LCN15: variants seen among roughly 807,000 people sequenced by gnomAD.
LCN15 encodes lipocalin 15.
A neutral mutation model predicts 23.1 loss-of-function variants in LCN15; 26 were observed. The ratio of observed to expected loss-of-function variants is 1.13; its 90% CI spans 0.82 to 1.56. The LOEUF is 1.56. Among genes scored for constraint, LCN15 ranks in the 40% most tolerant of loss-of-function variants. LCN15 has a pLI of 0.00. For synonymous variants in LCN15, 107 were observed against 98.3 expected (o/e 1.09, Z -0.52); for missense variants, 241 against 239.5 (o/e 1.01, Z -0.04).
intron 6 of LCN15, among the ~76,000 whole-genome samples, chr9:136,760,770 C>G (rs919900385): frequency 1.3e-5 from 2 of 152,230 alleles, no homozygotes; most frequent in East Asian, 3.8e-4. Context: ...AAGGCAGGAC[C>G]CTGCCCTGGG....
chr9:136,759,903 T>C (rs920870244), intron 6 of LCN15, 120 bp from the exon 7 acceptor site: 1 of 152,334 alleles, frequency 6.6e-6, no homozygotes, highest in African/African-American at 2.4e-5. Context: ...GAGAGCTCAT[T>C]CTGCTCCCAA....
Position 136,762,190 on chromosome 9 carries a change from G to T in LCN15, c.518C>A (p.Ser173Ter), listed in dbSNP as rs971571128. 5 of 1,576,206 alleles carry T rather than the reference G, an allele frequency of 3.2e-6. No homozygotes were observed. The highest frequency in any genetic ancestry group is 4.3e-6 in the Non-Finnish European group (5 of 1,161,948). ...GTGGGCGGGGCTTGCCAGGGTACCT[G>T]ACTGGGGCAGCATGACCATCATGTC... ...PKDMMVMLPQ[S>*]DACNPESKEA... The change falls in exon 5 of 7, where the codon TCA (serine) becomes TAA (stop). Residue 173 changes from serine to a stop codon, truncating the protein, a stop_gained and splice_region_variant. Transcript: ENST00000316144. LOFTEE classifies it high-confidence loss of function.
At position 136,764,510 on chromosome 9, in the gene LCN15, C is replaced by G. The variant is rs1341040728; in HGVS notation, c.-22G>C. 1.3e-6 allele frequency: 2 copies of G among 1,599,738 alleles called. No individual in the cohort carries two copies. On this transcript the variant is annotated 5_prime_UTR_variant, in exon 1 of 7. Transcript: ENST00000316144. ...TCATCCCCTCCCCTGCCCTCCAGCC[C>G]CTGGTGCTGAGTCCCCAAGCCCCAG...
chr9:136,763,530 C>G, intron 3 of LCN15, 63 bp from the exon 4 acceptor site: 1 of 1,289,538 alleles, frequency 7.8e-7, no homozygotes, highest in East Asian at 2.3e-5. Flanking sequence ...ACCGACCCCA[C>G]CCATGCCTGC....
At chr9:136,763,521 C>T in intron 3 of LCN15, 54 bp from the exon 4 acceptor site, 1 of 1,348,588 alleles carries the variant, frequency 7.4e-7, no homozygotes, top group South Asian at 1.3e-5. Flanking sequence ...GGCCCGGGCA[C>T]CGACCCCACC....
Position 136,762,247 on chromosome 9 carries a change from T to C in LCN15, c.461A>G (p.Gln154Arg). 1 of 1,600,046 alleles carries C rather than the reference T, an allele frequency of 6.2e-7. No individual in the cohort carries two copies. The highest frequency in any genetic ancestry group is 8.5e-7 in the Non-Finnish European group (1 of 1,173,746). ...GAGCCCCAGGGTCGGGTAGAAGTCCTGGAAGGACTTCAGAGCCTGGGGACT... is the reference window on the plus strand; with the variant it reads ...GAGCCCCAGGGTCGGGTAGAAGTCCCGGAAGGACTTCAGAGCCTGGGGACT... ...DVSPQALKSF[Q>R]DFYPTLGLPK... The change falls in exon 5 of 7, where the codon CAG becomes CGG. Residue 154 changes from glutamine (Q) to arginine (R), a missense_variant. Transcript: ENST00000316144.
In LCN15 at chr9:136,761,957, TC is replaced by T; in HGVS notation, c.521-105del. ...CAAGGGCCACTGGACAGCTCCACCA[TC>T]CCCAGAGAGTGGAGCCCAGAGCTTC... On this transcript the variant is annotated intron_variant, in intron 5 of 6. Coordinates refer to ENST00000316144, the MANE Select transcript of LCN15 (RefSeq NM_203347.2). This position sits in a 1 kb window ranked among gnomAD's most constrained non-coding sequence, Gnocchi z 4.2. 1 of 970,950 alleles carries T rather than the reference TC, an allele frequency of 1.0e-6. No individual in the cohort carries two copies. Among genetic ancestry groups the T allele is most frequent in the South Asian group, 2.3e-5 (1 of 44,164 alleles). 60.1% of individuals were successfully genotyped at this position (970,950 alleles called of 1,614,324 possible). A position where few individuals can be genotyped will look rare whatever the true frequency, so the allele number is the denominator to read the frequency against.
chr9:136,762,921 T>TAAAA (rs1847335685), intron 4 of LCN15, among the ~76,000 whole-genome samples: 7 of 28,212 alleles, frequency 2.5e-4, no homozygotes, highest in African/African-American at 6.6e-4. Context: ...AGACTCCATA[T>TAAAA]TAAAAAAAAA....
rs1472697756 is a variant in LCN15, at chr9:136,763,789, G to C, written c.237-6C>G. ...CCTGGTTACAGCCGTCCGCCCTGGGGGTGCACAGCCGGCTCACTCATGGCA... is the reference window on the plus strand; with the variant it reads ...CCTGGTTACAGCCGTCCGCCCTGGGCGTGCACAGCCGGCTCACTCATGGCA... On this transcript the variant is annotated splice_region_variant and splice_polypyrimidine_tract_variant and intron_variant, in intron 2 of 6. Transcript: ENST00000316144. 1 of 1,613,300 alleles carries C rather than the reference G, an allele frequency of 6.2e-7. No individual in the cohort carries two copies. The highest frequency in any genetic ancestry group is 1.3e-5 in the African/African-American group (1 of 74,880).
chr9:136,761,869 C>G lies in LCN15; in HGVS notation c.521-16G>C. 7.5e-7 allele frequency: 1 copy of G among 1,336,364 alleles called. No homozygotes were observed. The highest frequency in any genetic ancestry group is 9.6e-7 in the Non-Finnish European group (1 of 1,042,522). 82.8% of individuals were successfully genotyped at this position (1,336,364 alleles called of 1,614,324 possible). ...TTGCATGCATCTGTGGGGAGGAAGA[C>G]ATCCGTGAGATGCTGACGGCCAGGA... On this transcript the variant is annotated splice_polypyrimidine_tract_variant and intron_variant, in intron 5 of 6. Transcript: ENST00000316144. This position sits in a 1 kb window ranked among gnomAD's most constrained non-coding sequence, Gnocchi z 4.2.
chr9:136,764,354 A>G, intron 1 of LCN15, 39 bp downstream of exon 1: 2 of 1,563,504 alleles, frequency 1.3e-6, no homozygotes, highest in Non-Finnish European at 1.8e-6. Flanking sequence ...GCAGGGGCCC[A>G]GCTCCCACCC....
chr9:136,759,858 C>T (rs1020577899), intron 6 of LCN15, 75 bp from the exon 7 acceptor site: 1 of 152,434 alleles, frequency 6.6e-6, no homozygotes, highest in Non-Finnish European at 1.5e-5. Context: ...ACAAGCTGGG[C>T]ATCACTCTTC....
intron 1 of LCN15, 35 bp from the exon 2 acceptor site, chr9:136,764,044 G>T: frequency 6.2e-7 from 1 of 1,603,746 alleles, no homozygotes. Context: ...GGCCAGGACA[G>T]CCAGCAGCAG....
rs1847315007 is a variant in LCN15 at position 136,761,385 on chromosome 9, C to T, written c.*32+402G>A. Among the ~76,000 whole-genome samples, 3 of 152,224 alleles carry T rather than the reference C, an allele frequency of 2.0e-5. No individual in the cohort carries two copies. Among genetic ancestry groups the T allele is most frequent in the Admixed American group, 2.0e-4 (3 of 15,290 alleles). Reference sequence around the variant, plus strand: ...AGGCGATTCTCCTGCCTCAGCCTCACAAGTAGCTGAGATTACAGGTGTGCA... The same window carrying T: ...AGGCGATTCTCCTGCCTCAGCCTCATAAGTAGCTGAGATTACAGGTGTGCA... On this transcript the variant is annotated intron_variant, in intron 6 of 6. Coordinates refer to ENST00000316144, the MANE Select transcript of LCN15 (RefSeq NM_203347.2). This position sits in a 1 kb window ranked among gnomAD's most constrained non-coding sequence, Gnocchi z 4.2.
chr9:136,762,553 G>A (rs936025533), intron 4 of LCN15, among the ~76,000 whole-genome samples: 11 of 152,098 alleles, frequency 7.2e-5, no homozygotes, highest in Non-Finnish European at 2.9e-5. Flanking sequence ...CCTGCAGCCC[G>A]GAAGCCTCCA....
chr9:136,760,053 C>G (rs938840647), intron 6 of LCN15, among the ~76,000 whole-genome samples: 4 of 152,234 alleles, frequency 2.6e-5, no homozygotes, highest in Admixed American at 2.6e-4. Flanking sequence ...CAGTCCCTGG[C>G]TGAGTGGCAG....
intron 6 of LCN15, among the ~76,000 whole-genome samples, chr9:136,760,670 C>T (rs565590685): frequency 2.0e-5 from 3 of 152,370 alleles, no homozygotes; most frequent in African/African-American, 4.8e-5. Context: ...AGACCCCGCC[C>T]GCACGTGGCT....
At chr9:136,760,337 T>G (rs1211863383) in intron 6 of LCN15, among the ~76,000 whole-genome samples, 3 of 152,124 alleles carry the variant, frequency 2.0e-5, no homozygotes, top group Non-Finnish European at 4.4e-5. Flanking sequence ...GGTGCAGACT[T>G]GTGCAAAGCT....
chr9:136,761,733 G>C lies in LCN15; in HGVS notation c.*32+54C>G, dbSNP rs949747249. The C allele has an allele frequency of 1.2e-6, 1 of 859,988 alleles. No individual in the cohort carries two copies. Among genetic ancestry groups the C allele is most frequent in the Non-Finnish European group, 1.6e-6 (1 of 642,846 alleles). The allele number at this position is 859,988 out of a possible 1,614,324, so 53.3% of individuals were successfully genotyped here. A position where few individuals can be genotyped will look rare whatever the true frequency, so the allele number is the denominator to read the frequency against. ...CAGACAGAACCAGATGTCAAGCTGC[G>C]ATAGGGAGGGGAGAGGCAACCAGGG... On this transcript the variant is annotated intron_variant, in intron 6 of 6. Transcript: ENST00000316144. This position sits in a 1 kb window ranked among gnomAD's most constrained non-coding sequence, Gnocchi z 4.2.
Sources: gnomAD v4.1 joint callset for allele counts (sites outside exome capture counted in the v4.1 genomes callset) on GRCh38, gnomAD v4.1.1 for gene constraint, Gnocchi (gnomAD v3.1) non-coding constraint, MANE v1.5 for transcripts, NCBI Gene and HGNC (gene_info 2026-07-23, HGNC 2026-07-21) for gene names.